DHX36: variants seen among roughly 807,000 people sequenced by gnomAD.
DHX36 encodes the protein ATP-dependent DNA/RNA helicase DHX36.
DHX36 carries 50 observed loss-of-function variants against 139.0 expected under a neutral mutation model. The ratio of observed to expected loss-of-function variants is 0.36; its 90% CI spans 0.29 to 0.46. The LOEUF is 0.46. DHX36 is among the 20% of genes least tolerant of loss of function. The probability of loss-of-function intolerance (pLI) is 1.00; values close to 1 mark genes in which losing one functional copy is unlikely to be tolerated. For synonymous variants in DHX36, 425 were observed against 401.9 expected, an observed-to-expected ratio of 1.06 and a Z score of -0.69; for missense variants, 1,024 against 1,211.3, an observed-to-expected ratio of 0.85 and a Z score of 2.29.
chr3:154,315,393 A>C, intron 2 of DHX36, 113 bp from the exon 3 acceptor site: 1 of 697,080 alleles, frequency 1.4e-6, no homozygotes, highest in Non-Finnish European at 2.3e-6. Flanking sequence ...CCAAATCCAA[A>C]GCTTTTCTTT....
chr3:154,317,116 GAAGA>G lies in DHX36; in HGVS notation c.244-957_244-954del, dbSNP rs1713018084. Among the ~76,000 whole-genome samples the G allele has an allele frequency of 4.6e-5, 7 of 152,152 alleles. No individual in the cohort carries two copies. The South Asian group carries it at 1.5e-3, about 32-fold the overall frequency. ...GTGGAAGTTGGGGAGAGACAAAAAG[GAAGA>G]AAGAATCAAAGAACTGTTTTCAAAT... On this transcript the variant is annotated intron_variant, in intron 1 of 24. Coordinates refer to ENST00000496811, the MANE Select transcript of DHX36 (RefSeq NM_020865.3).
chr3:154,314,563 A>G (rs554336170), intron 3 of DHX36: 1 of 152,998 alleles, frequency 6.5e-6, no homozygotes, highest in African/African-American at 2.4e-5. Context: ...CTTGCCTAGC[A>G]TAGAAAGAAA....
At chr3:154,282,320 T>A (rs997033597) in intron 20 of DHX36, among the ~76,000 whole-genome samples, 1 of 152,118 alleles carries the variant, frequency 6.6e-6, no homozygotes, top group Non-Finnish European at 1.5e-5. Flanking sequence ...TTCAAGCTTT[T>A]TTCCTATGGC....
intron 17 of DHX36, among the ~76,000 whole-genome samples, chr3:154,286,951 C>A (rs1012507848): frequency 6.6e-6 from 1 of 151,874 alleles, no homozygotes; most frequent in Non-Finnish European, 1.5e-5. Flanking sequence ...AGAGTCAAGA[C>A]GTTTTTGAAG....
chr3:154,294,641 A>C (rs974285117), intron 13 of DHX36, among the ~76,000 whole-genome samples: 10 of 152,178 alleles, frequency 6.6e-5, no homozygotes, highest in African/African-American at 2.4e-4. Context: ...AGCAACAAAA[A>C]TATTAAAAGG....
chr3:154,301,185 A>T, intron 9 of DHX36, 58 bp from the exon 10 acceptor site: 3 of 1,469,484 alleles, frequency 2.0e-6, no homozygotes, highest in Non-Finnish European at 2.7e-6. Flanking sequence ...TTTTAGCTAA[A>T]ATCTGTGACA....
chr3:154,284,384 T>C (rs1041531219), intron 19 of DHX36, among the ~76,000 whole-genome samples, 199 bp downstream of exon 19: 2 of 152,160 alleles, frequency 1.3e-5, no homozygotes, highest in African/African-American at 2.4e-5. Flanking sequence ...TTTCGCCATG[T>C]TGGCCAGCCT....
chr3:154,283,773 G>A (rs1199130830), intron 19 of DHX36, among the ~76,000 whole-genome samples: 1 of 151,956 alleles, frequency 6.6e-6, no homozygotes, highest in Admixed American at 6.6e-5. Context: ...AAAAGATACT[G>A]CCTCTAAAAA....
chr3:154,283,066 A>C, intron 20 of DHX36, 122 bp downstream of exon 20: 1 of 672,676 alleles, frequency 1.5e-6, no homozygotes, highest in Non-Finnish European at 2.7e-6. Context: ...TTGTGTATAT[A>C]TACAAATATA....
At position 154,273,974 on chromosome 3, in the gene DHX36, G is replaced by T. The variant is rs558499806; in HGVS notation, c.*2197C>A. The T allele has an allele frequency of 6.6e-6, 1 of 152,176 alleles. No individual in the cohort carries two copies. The highest frequency in any genetic ancestry group is 6.5e-5 in the Admixed American group (1 of 15,286). The allele number at this position is 152,176 out of a possible 1,614,324, so 9.4% of individuals were successfully genotyped here. A position where few individuals can be genotyped will look rare whatever the true frequency, so the allele number is the denominator to read the frequency against. On this transcript the variant is annotated 3_prime_UTR_variant, in exon 25 of 25. Coordinates refer to ENST00000496811, the MANE Select transcript of DHX36 (RefSeq NM_020865.3). The stretch of plus-strand genomic sequence containing the variant: ...AGTATAATACTCAGTGATGGATAGT[G>T]TATGTTTCTGATTAATACCCTTTTT...
chr3:154,303,196 A>G (rs1157855035), intron 9 of DHX36, 133 bp downstream of exon 9: 1 of 635,780 alleles, frequency 1.6e-6, no homozygotes, highest in African/African-American at 1.9e-5. Context: ...ATGTGCAGCC[A>G]AGTGTGGCTA....
intron 1 of DHX36, 125 bp downstream of exon 1, chr3:154,324,049 C>T (rs1242440519): frequency 7.2e-6 from 8 of 1,105,554 alleles, no homozygotes; most frequent in South Asian, 4.8e-5. Flanking sequence ...AATATATTTG[C>T]GCCTCATTTA....
chr3:154,289,817 A>C lies in DHX36; in HGVS notation c.1824T>G (p.Pro608=). 6.3e-7 allele frequency: 1 copy of C among 1,579,278 alleles called. No individual in the cohort carries two copies. Among genetic ancestry groups the C allele is most frequent in the Non-Finnish European group, 8.6e-7 (1 of 1,161,220 alleles). ...QRKGRAGRVQ[P]GHCYHLYNGL... is the part of the protein sequence containing the mutation. ...CATTATACAGATGATAGCAATGACCAGGTTGAACTCTTAAAAAAAAAACAA... is the reference window on the plus strand; with the variant it reads ...CATTATACAGATGATAGCAATGACCCGGTTGAACTCTTAAAAAAAAAACAA... The change falls in exon 16 of 25, where the codon CCT becomes CCG. Residue 608 remains proline (P), a synonymous_variant. Coordinates refer to ENST00000496811, the MANE Select transcript of DHX36 (RefSeq NM_020865.3).
rs72996646 is a variant in DHX36, at chr3:154,298,194, C to T, written c.1549+1644G>A. ...GTCAATTATAATAATCTATAATATA[C>T]CCTTTTCCCACTCTCCATCACATAC... On this transcript the variant is annotated intron_variant, in intron 12 of 24. Coordinates refer to ENST00000496811, the MANE Select transcript of DHX36 (RefSeq NM_020865.3). Among the ~76,000 whole-genome samples, 848 of 152,260 alleles carry T rather than the reference C, an allele frequency of 5.6e-3. 11 individuals are homozygous for T. The highest frequency in any genetic ancestry group is 0.019 in the African/African-American group (810 of 41,548).
At chr3:154,290,542 A>G (rs1711749207) in intron 15 of DHX36, among the ~76,000 whole-genome samples, 1 of 150,756 alleles carries the variant, frequency 6.6e-6, no homozygotes, top group African/African-American at 2.4e-5. Flanking sequence ...AGGCTGAGGC[A>G]GGAGGATCAC....
intron 2 of DHX36, 82 bp from the exon 3 acceptor site, chr3:154,315,362 G>A (rs776846581): frequency 2.1e-6 from 2 of 942,796 alleles, no homozygotes; most frequent in Non-Finnish European, 3.2e-6. Context: ...ACAATACGCT[G>A]TTGAAATATT....
chr3:154,309,840 A>G lies in DHX36; in HGVS notation c.643-17T>C. The G allele has an allele frequency of 6.5e-7, 1 of 1,548,078 alleles. No homozygotes were observed. Among genetic ancestry groups the G allele is most frequent in the Non-Finnish European group, 8.8e-7 (1 of 1,137,082 alleles). On this transcript the variant is annotated splice_polypyrimidine_tract_variant and intron_variant, in intron 4 of 24. Transcript: ENST00000496811. Reference sequence around the variant, plus strand: ...TACCAATTCCTATTTCAAAAGGGAAAATAAAGAATATCACATGTTGACTAA... The same window carrying G: ...TACCAATTCCTATTTCAAAAGGGAAGATAAAGAATATCACATGTTGACTAA...
intron 13 of DHX36, 147 bp from the exon 14 acceptor site, chr3:154,293,959 T>G: frequency 1.9e-6 from 1 of 534,642 alleles, no homozygotes; most frequent in Non-Finnish European, 3.4e-6. Flanking sequence ...TATCGATGTA[T>G]TTATGAAGTA....
intron 17 of DHX36, among the ~76,000 whole-genome samples, chr3:154,286,243 GAAGAAT>G (rs1711550498): frequency 7.4e-6 from 1 of 135,906 alleles, no homozygotes; most frequent in Non-Finnish European, 1.5e-5. Flanking sequence ...TCTCCTTTAA[GAAGAAT>G]AAGACAAGAA....
Sources: allele counts gnomAD v4.1 joint callset (sites outside exome capture counted in the v4.1 genomes callset), GRCh38; gene constraint gnomAD v4.1.1; transcripts MANE v1.5; gene names NCBI Gene and HGNC (gene_info 2026-07-23, HGNC 2026-07-21).